Variants in RANBP2 observed in about 807,000 individuals in gnomAD.
The protein encoded by RANBP2 is E3 SUMO-protein ligase RanBP2.
RANBP2 carries 57 observed loss-of-function variants against 303.6 expected under a neutral mutation model. The ratio of observed to expected loss-of-function variants is 0.19; its 90% CI spans 0.15 to 0.23. The LOEUF is 0.23. Ranked by LOEUF, RANBP2 falls within the 10% of genes least tolerant of loss-of-function variation. The pLI, the probability that RANBP2 is intolerant of heterozygous loss-of-function variation, is 1.00. For missense variants in RANBP2, 3,138 were observed against 3,780.8 expected, an observed-to-expected ratio of 0.83 and a Z score of 4.46; for synonymous variants, 1,167 against 1,301.5, an observed-to-expected ratio of 0.90 and a Z score of 2.23.
the RANBP2 span, among the ~76,000 whole-genome samples, chr2:109,365,487 G>A: frequency 2.5e-4 from 38 of 152,324 alleles, no homozygotes; most frequent in African/African-American, 8.7e-4. Context: ...GATCTAAGAA[G>A]AGGAGTTGCT....
At chr2:109,013,035 C>CA in the RANBP2 span, among the ~76,000 whole-genome samples, 1 of 152,238 alleles carries the variant, frequency 6.6e-6, no homozygotes, top group Non-Finnish European at 1.5e-5. Context: ...ACTCCATGCT[C>CA]ACCACAGGTG....
chr2:109,048,217 C>T, the RANBP2 span, among the ~76,000 whole-genome samples: 2 of 152,224 alleles, frequency 1.3e-5, no homozygotes, highest in Admixed American at 1.3e-4. Flanking sequence ...ATTGCTGCAG[C>T]TGAATATTTT....
the RANBP2 span, among the ~76,000 whole-genome samples, chr2:109,353,099 C>T: frequency 7.9e-5 from 12 of 152,240 alleles, no homozygotes; most frequent in African/African-American, 2.9e-4. Context: ...GCTCAGAGTC[C>T]TCAGTGGCTC....
the RANBP2 span, among the ~76,000 whole-genome samples, chr2:109,496,819 A>G: frequency 6.6e-6 from 1 of 152,264 alleles, no homozygotes; most frequent in Admixed American, 6.5e-5. Context: ...GTTGCTAACC[A>G]GCTGACTTTA....
chr2:109,690,695 C>G, the RANBP2 span, among the ~76,000 whole-genome samples: 10 of 152,148 alleles, frequency 6.6e-5, no homozygotes, highest in African/African-American at 2.4e-4. Flanking sequence ...GCCAGGCCGG[C>G]CTTCCAGACG....
the RANBP2 span, among the ~76,000 whole-genome samples, chr2:109,094,013 T>A: frequency 6.6e-6 from 1 of 152,258 alleles, no homozygotes; most frequent in Non-Finnish European, 1.5e-5. Flanking sequence ...TTTGTGGGTA[T>A]CAGAAATTAC....
the RANBP2 span, among the ~76,000 whole-genome samples, chr2:109,662,984 C>T: frequency 6.6e-6 from 1 of 152,208 alleles, no homozygotes; most frequent in Non-Finnish European, 1.5e-5. Context: ...AAAAGACTTC[C>T]ATTGCTTCCA....
At chr2:108,729,489 A>C (rs1440889008) in intron 2 of RANBP2, among the ~76,000 whole-genome samples, 1 of 152,248 alleles carries the variant, frequency 6.6e-6, no homozygotes, top group East Asian at 1.9e-4. Flanking sequence ...GACCATGCCT[A>C]TATCTTAATT....
At chr2:109,550,670 G>T in the RANBP2 span, among the ~76,000 whole-genome samples, 6 of 152,168 alleles carry the variant, frequency 3.9e-5, no homozygotes, top group Non-Finnish European at 7.4e-5. Context: ...TGCTGAGCTA[G>T]CAGATGACTT....
At chr2:109,720,294 C>T in the RANBP2 span, among the ~76,000 whole-genome samples, 2 of 150,910 alleles carry the variant, frequency 1.3e-5, no homozygotes, top group Non-Finnish European at 3.0e-5. Flanking sequence ...CACACACACA[C>T]ATATATATAT....
At chr2:109,261,594 A>C in the RANBP2 span, among the ~76,000 whole-genome samples, 1 of 152,164 alleles carries the variant, frequency 6.6e-6, no homozygotes, top group Non-Finnish European at 1.5e-5. Flanking sequence ...GCCCAGAAAG[A>C]AGTGGCATGG....
chr2:109,400,552 C>T, the RANBP2 span, among the ~76,000 whole-genome samples: 8 of 149,396 alleles, frequency 5.4e-5, no homozygotes, highest in East Asian at 1.2e-3. Context: ...CACACACGTA[C>T]GTATACACAT....
Position 108,765,904 on chromosome 2 carries a change from G to A in RANBP2, c.5365G>A (p.Val1789Ile). 6.2e-7 allele frequency: 1 copy of A among 1,614,166 alleles called. No individual in the cohort carries two copies. The highest frequency in any genetic ancestry group is 2.2e-5 in the East Asian group (1 of 44,888). The part of the protein sequence containing the change: ...FIRKGQWDCS[V>I]CCVQNESSSL... ...CAGGAAAGGACAGTGGGATTGTAGT[G>A]TTTGCTGTGTACAAAATGAGAGTTC... is the stretch of plus-strand genomic sequence containing the variant. The change falls in exon 20 of 29, where the codon GTT becomes ATT. Residue 1789 changes from valine (V) to isoleucine (I), a missense_variant. Val to Ile is a conservative substitution (Grantham distance 29, BLOSUM62 3). Coordinates refer to ENST00000283195, the MANE Select transcript of RANBP2 (RefSeq NM_006267.5).
chr2:108,974,309 G>A, the RANBP2 span, among the ~76,000 whole-genome samples: 15 of 115,096 alleles, frequency 1.3e-4, no homozygotes, highest in Admixed American at 1.8e-3. Context: ...TAGCCTGGGA[G>A]ACAGAGCGAG....
the RANBP2 span, among the ~76,000 whole-genome samples, chr2:109,075,327 C>T: frequency 2.0e-5 from 3 of 150,112 alleles, 1 homozygote; most frequent in Non-Finnish European, 4.5e-5. Flanking sequence ...CGGGTTCAAG[C>T]AATTCTCCTG....
the RANBP2 span, among the ~76,000 whole-genome samples, chr2:109,737,964 G>T: frequency 6.6e-6 from 1 of 152,136 alleles, no homozygotes; most frequent in Non-Finnish European, 1.5e-5. Flanking sequence ...TGAGTTCTTT[G>T]TTTATTCTGG....
chr2:109,701,857 T>C, the RANBP2 span, among the ~76,000 whole-genome samples: 2 of 152,172 alleles, frequency 1.3e-5, no homozygotes, highest in Non-Finnish European at 1.5e-5. Flanking sequence ...AGTAAAAGTT[T>C]CTCCTTTAGG....
At chr2:108,910,950 G>C in the RANBP2 span, 1 of 1,614,160 alleles carries the variant, frequency 6.2e-7, no homozygotes, top group African/African-American at 1.3e-5. Flanking sequence ...CCGTCACCTG[G>C]GGCAGAGGGC....
chr2:108,790,240 G>A (rs943886201), downstream of RANBP2, among the ~76,000 whole-genome samples: 1 of 152,106 alleles, frequency 6.6e-6, no homozygotes, highest in Non-Finnish European at 1.5e-5. Flanking sequence ...TGTAGGGTAA[G>A]GAAAGTGAAA....
Sources: gnomAD v4.1 joint callset for allele counts (sites outside exome capture counted in the v4.1 genomes callset) on GRCh38, gnomAD v4.1.1 for gene constraint, MANE v1.5 for transcripts, NCBI Gene and HGNC (gene_info 2026-07-23, HGNC 2026-07-21) for gene names.